Variants in RIMS1 observed in about 807,000 individuals in gnomAD.
RIMS1 encodes the protein regulating synaptic membrane exocytosis protein 1.
A neutral mutation model predicts 214.1 loss-of-function variants in RIMS1; 83 were observed. That is an observed-to-expected ratio of 0.39 (90% CI 0.32 to 0.47). RIMS1 has a LOEUF of 0.47. Ranked by LOEUF, RIMS1 falls within the 20% of genes least tolerant of loss-of-function variation. The pLI, the probability that RIMS1 is intolerant of heterozygous loss-of-function variation, is 0.99. For synonymous variants in RIMS1, 793 were observed against 786.8 expected, an observed-to-expected ratio of 1.01 and a Z score of -0.13; for missense variants, 2,050 against 2,161.8, an observed-to-expected ratio of 0.95 and a Z score of 1.03.
chr6:72,183,151 T>TA lies in RIMS1; in HGVS notation c.1678+4dup. On this transcript the variant is annotated splice_region_variant and intron_variant, in intron 6 of 33. Transcript: ENST00000521978. ...AGAGCGAGAGCGTCAGCGAGAAAGG[T>TA]AAGGGGGCGGCGCCGGCCGTGCGGG... 6.3e-7 allele frequency: 1 copy of TA among 1,588,806 alleles called. No individual in the cohort carries two copies. Among genetic ancestry groups the TA allele is most frequent in the Non-Finnish European group, 8.6e-7 (1 of 1,169,348 alleles).
chr6:72,299,307 T>C (rs2094399244), intron 26 of RIMS1, among the ~76,000 whole-genome samples: 1 of 151,962 alleles, frequency 6.6e-6, no homozygotes, highest in African/African-American at 2.4e-5. Flanking sequence ...TATTATCTCT[T>C]CTACAAATAT....
At chr6:72,003,954 G>A (rs927627676) in intron 2 of RIMS1, among the ~76,000 whole-genome samples, 6 of 148,808 alleles carry the variant, frequency 4.0e-5, no homozygotes, top group Non-Finnish European at 8.9e-5. Context: ...GTGCCATGCT[G>A]GTGTGCTGCA....
intron 11 of RIMS1, among the ~76,000 whole-genome samples, chr6:72,246,290 G>A (rs2069656752): frequency 6.6e-6 from 1 of 152,030 alleles, no homozygotes; most frequent in Non-Finnish European, 1.5e-5. Context: ...CAAAGTGTGT[G>A]GATTGATTTT....
intron 4 of RIMS1, among the ~76,000 whole-genome samples, chr6:72,115,714 G>T (rs534618143): frequency 6.6e-6 from 1 of 151,616 alleles, no homozygotes; most frequent in Non-Finnish European, 1.5e-5. Context: ...CTCAACTGTG[G>T]GGTTAATATT....
chr6:72,195,501 A>G (rs2050713970), intron 6 of RIMS1, among the ~76,000 whole-genome samples: 2 of 152,182 alleles, frequency 1.3e-5, no homozygotes, highest in Non-Finnish European at 2.9e-5. Context: ...CCCTAAATAT[A>G]GAGATGGTGT....
At chr6:72,263,378 CCT>C (rs34374428) in intron 19 of RIMS1, 27,420 of 982,990 alleles carry the variant, frequency 0.028, 408 homozygotes, top group Non-Finnish European at 0.03. Flanking sequence ...ACCACACACC[CCT>C]GTTAAGTGGA....
Position 71,892,501 on chromosome 6 carries a change from C to G in RIMS1, c.164+5314C>G, listed in dbSNP as rs551843230. 7.3e-4 allele frequency among the ~76,000 whole-genome samples: 111 copies of G among 152,204 alleles called. 3 individuals carry two copies. In the South Asian group the frequency reaches 0.023, roughly 31 times the overall value. Reference sequence around the variant, plus strand: ...TTCCACCCTTTTCTGAGGGTGGACTCTCCAGAACTGTCTGGCTTCCGCAGT... The same window carrying G: ...TTCCACCCTTTTCTGAGGGTGGACTGTCCAGAACTGTCTGGCTTCCGCAGT... On this transcript the variant is annotated intron_variant, in intron 1 of 33. Coordinates refer to ENST00000521978, the MANE Select transcript of RIMS1 (RefSeq NM_014989.7).
At chr6:71,959,932 A>C (rs963888346) in intron 1 of RIMS1, among the ~76,000 whole-genome samples, 1 of 152,134 alleles carries the variant, frequency 6.6e-6, no homozygotes, top group Non-Finnish European at 1.5e-5. Flanking sequence ...AATATATGAT[A>C]TGTGACTATG....
At chr6:71,907,367 TAAGA>T (rs1435735625) in intron 1 of RIMS1, among the ~76,000 whole-genome samples, 3 of 152,192 alleles carry the variant, frequency 2.0e-5, no homozygotes, top group Non-Finnish European at 4.4e-5. Context: ...ACTCACTGTA[TAAGA>T]ATACCTTACT....
intron 4 of RIMS1, among the ~76,000 whole-genome samples, chr6:72,177,911 A>G (rs2047932391): frequency 1.3e-5 from 2 of 152,276 alleles, no homozygotes; most frequent in South Asian, 4.1e-4. Context: ...TCAGTAATAG[A>G]TTTTGTAAAA....
intron 2 of RIMS1, among the ~76,000 whole-genome samples, chr6:72,000,242 G>A (rs1273635878): frequency 1.3e-5 from 2 of 152,052 alleles, no homozygotes; most frequent in East Asian, 3.9e-4. Context: ...CACAAGTGAT[G>A]CAAAAAGTTC....
chr6:71,975,086 C>T (rs1205617958), intron 2 of RIMS1, among the ~76,000 whole-genome samples: 2 of 152,042 alleles, frequency 1.3e-5, no homozygotes, highest in African/African-American at 4.8e-5. Flanking sequence ...CCAGTGATAT[C>T]GAGACATAAG....
intron 29 of RIMS1, among the ~76,000 whole-genome samples, chr6:72,334,209 A>G (rs932521163): frequency 1.3e-4 from 20 of 152,006 alleles, no homozygotes; most frequent in Middle Eastern, 3.4e-3. Flanking sequence ...GGCTATATCT[A>G]TACTTTTTAT....
chr6:72,397,585 G>A (rs2098793309), intron 31 of RIMS1, among the ~76,000 whole-genome samples: 1 of 152,114 alleles, frequency 6.6e-6, no homozygotes, highest in South Asian at 2.1e-4. Flanking sequence ...CTTGGAATTT[G>A]ATGTTCAAAA....
At chr6:71,951,787 C>T (rs771824894) in intron 1 of RIMS1, among the ~76,000 whole-genome samples, 14 of 151,848 alleles carry the variant, frequency 9.2e-5, no homozygotes, top group Non-Finnish European at 1.8e-4. Flanking sequence ...GGATTATAGG[C>T]GTGAGCCACC....
intron 19 of RIMS1, chr6:72,262,311 T>C (rs2078396571): frequency 1.1e-6 from 1 of 936,460 alleles, no homozygotes; most frequent in Admixed American, 6.2e-5. Flanking sequence ...CCACAAGTCC[T>C]ATTTAATAGT....
At chr6:72,336,833 C>G (rs558509983) in intron 29 of RIMS1, among the ~76,000 whole-genome samples, 1 of 151,840 alleles carries the variant, frequency 6.6e-6, no homozygotes, top group East Asian at 2.0e-4. Flanking sequence ...AGGACTTCCC[C>G]TAGTGATTTT....
At chr6:72,321,749 G>A (rs983104124) in intron 28 of RIMS1, among the ~76,000 whole-genome samples, 13 of 151,860 alleles carry the variant, frequency 8.6e-5, no homozygotes, top group Non-Finnish European at 1.5e-4. Context: ...CAGGCCTTTG[G>A]AGGACCACTA....
intron 1 of RIMS1, among the ~76,000 whole-genome samples, chr6:71,941,704 T>A (rs921402401): frequency 2.6e-5 from 4 of 152,218 alleles, no homozygotes; most frequent in African/African-American, 9.6e-5. Context: ...CATTCCTACT[T>A]ACTGCTTCTC....
Sources: gnomAD v4.1 joint callset for allele counts (sites outside exome capture counted in the v4.1 genomes callset) on GRCh38, gnomAD v4.1.1 for gene constraint, MANE v1.5 for transcripts, NCBI Gene and HGNC (gene_info 2026-07-23, HGNC 2026-07-21) for gene names.